Variants in PLXDC2 observed in about 807,000 individuals in gnomAD.
PLXDC2 encodes the protein plexin domain-containing protein 2.
A neutral mutation model predicts 68.9 loss-of-function variants in PLXDC2; 40 were observed. That is an observed-to-expected ratio of 0.58 (90% CI 0.45 to 0.76). PLXDC2 has a LOEUF of 0.76. Ranked by LOEUF, PLXDC2 falls within the 30% of genes least tolerant of loss-of-function variation. PLXDC2 has a pLI of 0.00. For missense variants in PLXDC2, 644 were observed against 661.9 expected, an observed-to-expected ratio of 0.97 and a Z score of 0.30; for synonymous variants, 243 against 234.2, an observed-to-expected ratio of 1.04 and a Z score of -0.34.
intron 1 of PLXDC2, among the ~76,000 whole-genome samples, chr10:19,966,800 G>A (rs551388944): frequency 6.5e-4 from 78 of 120,370 alleles, no homozygotes; most frequent in African/African-American, 1.9e-3. Flanking sequence ...AGAACGGTTC[G>A]CGTTACCATT....
chr10:20,256,794 G>A (rs1835748478), intron 13 of PLXDC2, among the ~76,000 whole-genome samples: 1 of 152,130 alleles, frequency 6.6e-6, no homozygotes, highest in Non-Finnish European at 1.5e-5. Context: ...GACGTAGCAT[G>A]AGAGTAGATA....
chr10:19,947,365 T>A (rs1461199985), intron 1 of PLXDC2, among the ~76,000 whole-genome samples: 5 of 152,196 alleles, frequency 3.3e-5, no homozygotes, highest in Non-Finnish European at 7.3e-5. Flanking sequence ...GCAGTAGTTG[T>A]AAAAACAGAC....
At chr10:19,836,599 GA>G (rs1836798160) in intron 1 of PLXDC2, among the ~76,000 whole-genome samples, 2 of 152,150 alleles carry the variant, frequency 1.3e-5, no homozygotes, top group Admixed American at 6.5e-5. Flanking sequence ...GTGGCAGCAG[GA>G]AAAATGAGTA....
intron 12 of PLXDC2, among the ~76,000 whole-genome samples, chr10:20,227,549 T>C (rs1210923422): frequency 6.6e-6 from 1 of 152,230 alleles, no homozygotes; most frequent in Non-Finnish European, 1.5e-5. Context: ...GGTAAAGTTA[T>C]ATACATAGTG....
At chr10:20,013,705 C>A (rs1208715218) in intron 2 of PLXDC2, among the ~76,000 whole-genome samples, 1 of 152,108 alleles carries the variant, frequency 6.6e-6, no homozygotes, top group Admixed American at 6.5e-5. Flanking sequence ...GAAAACAATT[C>A]ATTTGTCCAT....
intron 2 of PLXDC2, among the ~76,000 whole-genome samples, chr10:20,044,668 A>G (rs1270427227): frequency 1.3e-5 from 2 of 152,072 alleles, no homozygotes; most frequent in Non-Finnish European, 2.9e-5. Flanking sequence ...TCCCCATAGT[A>G]GCAAAATGGA....
At chr10:20,130,007 C>G (rs2131775047) in intron 4 of PLXDC2, among the ~76,000 whole-genome samples, 1 of 151,854 alleles carries the variant, frequency 6.6e-6, no homozygotes, top group East Asian at 1.9e-4. Flanking sequence ...TTTTGTGGTT[C>G]CATATGAATT....
At chr10:19,952,515 T>C (rs1189648733) in intron 1 of PLXDC2, among the ~76,000 whole-genome samples, 1 of 152,324 alleles carries the variant, frequency 6.6e-6, no homozygotes, top group African/African-American at 2.4e-5. Flanking sequence ...TTAAACAATC[T>C]TTGGCTGTAT....
At chr10:20,045,687 A>G (rs2131681849) in intron 2 of PLXDC2, among the ~76,000 whole-genome samples, 1 of 152,208 alleles carries the variant, frequency 6.6e-6, no homozygotes, top group African/African-American at 2.4e-5. Flanking sequence ...TTTCAGGAAT[A>G]ATTTTATTAC....
rs767832570 is a variant in PLXDC2 at position 20,217,501 on chromosome 10, A to G, written c.1198A>G (p.Thr400Ala). The change falls in exon 11 of 14, where the codon ACC becomes GCC. Residue 400 changes from threonine to alanine, a missense_variant. By Grantham distance (58) the Thr-to-Ala change is moderately conservative. Around this residue, in one of 3 missense-constraint regions of PLXDC2, gnomAD observed 330 missense variants for 327.9 expected, o/e 1.01. Transcript: ENST00000377252. ...AACCACCACAACCGTAGGAGCGACA[A>G]CCACCCAGTTCAGGGTCCTAACTAC... ...SRTTTTVGAT[T>A]TQFRVLTTTR... The G allele has an allele frequency of 6.2e-7, 1 of 1,611,818 alleles. No homozygotes were observed. The highest frequency in any genetic ancestry group is 8.5e-7 in the Non-Finnish European group (1 of 1,179,084).
intron 1 of PLXDC2, among the ~76,000 whole-genome samples, chr10:19,974,899 C>G (rs1834422497): frequency 6.6e-6 from 1 of 152,076 alleles, no homozygotes; most frequent in South Asian, 2.1e-4. Context: ...TGTTGAAGGA[C>G]CCAGGAAAAG....
chr10:19,941,974 GAAAAAAAAA>G (rs199597958), intron 1 of PLXDC2, among the ~76,000 whole-genome samples: 2 of 111,744 alleles, frequency 1.8e-5, no homozygotes, highest in Non-Finnish European at 3.7e-5. Context: ...GACATTTAGA[GAAAAAAAAA>G]AAAAAAAGAA....
chr10:20,177,353 C>T lies in PLXDC2; in HGVS notation c.1005C>T (p.Gly335=), dbSNP rs1397839874. 5.0e-6 allele frequency: 8 copies of T among 1,605,384 alleles called. No homozygotes were observed. The highest frequency in any genetic ancestry group is 6.8e-6 in the Non-Finnish European group (8 of 1,172,876). Residue 335 remains glycine (G), a synonymous_variant, in exon 9 of 14, where the codon GGC becomes GGT. Transcript: ENST00000377252. The part of the protein sequence containing the change: ...LPTCLQFNRC[G]PCVSSQIGFN... ...CATGCCTCCAGTTTAACAGATGTGG[C>T]CCCTGTGTATCTTCTCAGATTGGCT...
At chr10:20,054,128 C>T (rs1365051627) in intron 3 of PLXDC2, among the ~76,000 whole-genome samples, 6 of 151,906 alleles carry the variant, frequency 3.9e-5, no homozygotes, top group African/African-American at 1.2e-4. Context: ...TGGCCAAGAG[C>T]AGAGTGGGCG....
chr10:19,871,125 T>A (rs145656484), intron 1 of PLXDC2, among the ~76,000 whole-genome samples: 14 of 152,272 alleles, frequency 9.2e-5, no homozygotes, highest in Admixed American at 6.5e-5. Flanking sequence ...GCTGGAACAT[T>A]ATAGTATTTA....
intron 10 of PLXDC2, among the ~76,000 whole-genome samples, chr10:20,213,327 C>A (rs1835093897): frequency 6.6e-6 from 1 of 151,988 alleles, no homozygotes; most frequent in Non-Finnish European, 1.5e-5. Flanking sequence ...TTTCTTTTGG[C>A]AATATCTTGC....
chr10:20,001,759 T>C lies in PLXDC2; in HGVS notation c.113-16T>C. 1 of 1,612,344 alleles carries C rather than the reference T, an allele frequency of 6.2e-7. No homozygotes were observed. Among genetic ancestry groups the C allele is most frequent in the Non-Finnish European group, 8.5e-7 (1 of 1,178,482 alleles). On this transcript the variant is annotated splice_polypyrimidine_tract_variant and intron_variant, in intron 1 of 13. Coordinates refer to ENST00000377252, the MANE Select transcript of PLXDC2 (RefSeq NM_032812.9). ...ACATAATGAGTGGTAACCCATTTTC[T>C]TTCTTTTTCAAACAGATTGGCAGTA...
At chr10:20,146,092 T>C (rs1393074259) in intron 5 of PLXDC2, among the ~76,000 whole-genome samples, 1 of 152,216 alleles carries the variant, frequency 6.6e-6, no homozygotes, top group African/African-American at 2.4e-5. Context: ...GAAAGTTTTA[T>C]AGAGACAAGA....
At chr10:19,989,200 G>GT (rs1834703584) in intron 1 of PLXDC2, among the ~76,000 whole-genome samples, 1 of 152,110 alleles carries the variant, frequency 6.6e-6, no homozygotes, top group Non-Finnish European at 1.5e-5. Flanking sequence ...AATGTAAATG[G>GT]TTTTTTACAA....
Sources: gnomAD v4.1 joint callset for allele counts (sites outside exome capture counted in the v4.1 genomes callset) on GRCh38, gnomAD v4.1.1 for gene constraint, gnomAD v4.1.1 regional missense constraint, MANE v1.5 for transcripts, NCBI Gene and HGNC (gene_info 2026-07-23, HGNC 2026-07-21) for gene names.